PTPN3: variants seen among roughly 807,000 people sequenced by gnomAD.
PTPN3 encodes tyrosine-protein phosphatase non-receptor type 3.
PTPN3 carries 96 observed loss-of-function variants against 132.7 expected under a neutral mutation model. That is an observed-to-expected ratio of 0.72 (90% confidence interval 0.61 to 0.86). PTPN3 has a LOEUF of 0.86. Ranked by LOEUF, PTPN3 falls within the 40% of genes least tolerant of loss-of-function variation. The pLI is 0.00. For synonymous variants in PTPN3, 398 were observed against 429.0 expected (o/e 0.93, Z 0.89); for missense variants, 1,125 against 1,159.6 (o/e 0.97, Z 0.43).
At chr9:109,395,358 T>C (rs982420816) in intron 19 of PTPN3, among the ~76,000 whole-genome samples, 1 of 152,178 alleles carries the variant, frequency 6.6e-6, no homozygotes, top group East Asian at 1.9e-4. Context: ...GGTGGACAAA[T>C]CAAAGTTAAG....
chr9:109,486,942 G>A (rs938693705), intron 1 of PTPN3, among the ~76,000 whole-genome samples: 1 of 152,098 alleles, frequency 6.6e-6, no homozygotes, highest in Admixed American at 6.5e-5. Context: ...TTCCCCTTCC[G>A]CCATGATTGT....
At chr9:109,498,789 C>T (rs1301946428), upstream of PTPN3, among the ~76,000 whole-genome samples, 6 of 152,172 alleles carry the variant, frequency 3.9e-5, no homozygotes, top group Non-Finnish European at 1.5e-5. This position sits in a 1 kb window ranked among gnomAD's most constrained non-coding sequence, Gnocchi z 4.2. Flanking sequence ...CATCTCACAC[C>T]TGCCTTCCTG....
chr9:109,444,087 A>G (rs1341233716), intron 7 of PTPN3, among the ~76,000 whole-genome samples: 4 of 152,126 alleles, frequency 2.6e-5, no homozygotes, highest in African/African-American at 9.7e-5. Context: ...TAGTTCAGCC[A>G]GTGCCTGCTC....
intron 16 of PTPN3, 145 bp downstream of exon 16, chr9:109,409,854 A>C: frequency 7.5e-7 from 1 of 1,329,708 alleles, no homozygotes; most frequent in Non-Finnish European, 9.8e-7. Flanking sequence ...AAACAAAAAC[A>C]AAAAAAACCC....
the PTPN3 span, among the ~76,000 whole-genome samples, chr9:109,510,563 A>G: frequency 2.6e-4 from 16 of 62,528 alleles, no homozygotes; most frequent in African/African-American, 1.0e-3. Flanking sequence ...TGTCTTAAAA[A>G]AAAAAAAAAA....
chr9:109,376,691 T>C lies in PTPN3; in HGVS notation c.*2865A>G, dbSNP rs1268527120. The C allele has an allele frequency of 2.0e-5, 3 of 152,222 alleles. No homozygotes were observed. The highest frequency in any genetic ancestry group is 4.4e-5 in the Non-Finnish European group (3 of 68,034). The allele number at this position is 152,222 out of a possible 1,614,324, so 9.4% of individuals were successfully genotyped here. On this transcript the variant is annotated 3_prime_UTR_variant, in exon 26 of 26. Coordinates refer to ENST00000374541, the MANE Select transcript of PTPN3 (RefSeq NM_002829.4). ...CCAAATTTCCCAGGCAAAATACTTA[T>C]CCTGATTCTGATGTAGTTCTTCACT... is the stretch of plus-strand genomic sequence containing the variant.
intron 1 of PTPN3, among the ~76,000 whole-genome samples, chr9:109,485,451 T>TG (rs1564483491): frequency 6.6e-6 from 1 of 152,002 alleles, no homozygotes; most frequent in East Asian, 1.9e-4. Flanking sequence ...GAGCTTGCAG[T>TG]GAGCCGAGAT....
chr9:109,412,344 A>T (rs914974037), intron 14 of PTPN3, among the ~76,000 whole-genome samples: 1 of 150,938 alleles, frequency 6.6e-6, no homozygotes, highest in Admixed American at 6.6e-5. Flanking sequence ...AGTAGCTGGG[A>T]CCACAGGCAT....
intron 1 of PTPN3, among the ~76,000 whole-genome samples, chr9:109,496,320 A>T (rs1847666128): frequency 6.6e-6 from 1 of 152,222 alleles, no homozygotes; most frequent in Non-Finnish European, 1.5e-5. Context: ...TCAATCTCAG[A>T]AAAGTTTCCA....
chr9:109,519,868 G>A, the PTPN3 span, among the ~76,000 whole-genome samples: 2 of 152,188 alleles, frequency 1.3e-5, no homozygotes, highest in African/African-American at 4.8e-5. Context: ...AGATGATTAA[G>A]AAATGCATCC....
chr9:109,450,842 G>A (rs1038578701), intron 5 of PTPN3: 8 of 985,296 alleles, frequency 8.1e-6, no homozygotes, highest in South Asian at 4.7e-5. Flanking sequence ...TCAGAAAAAT[G>A]TAATGACCTC....
At chr9:109,440,665 C>G (rs1227285462) in intron 7 of PTPN3, among the ~76,000 whole-genome samples, 2 of 152,218 alleles carry the variant, frequency 1.3e-5, no homozygotes, top group African/African-American at 2.4e-5. Context: ...AACCTTTACT[C>G]TGTTGGTTTC....
At chr9:109,431,192 T>C (rs1014758964) in intron 10 of PTPN3, among the ~76,000 whole-genome samples, 24 of 151,984 alleles carry the variant, frequency 1.6e-4, no homozygotes. Flanking sequence ...GGTTGGAGAG[T>C]CCCTGCAGGC....
chr9:109,437,985 C>CA (rs1844179214), intron 8 of PTPN3, 129 bp downstream of exon 8: 1 of 1,220,770 alleles, frequency 8.2e-7, no homozygotes, highest in Non-Finnish European at 1.1e-6. Context: ...CTCAAAGGTT[C>CA]AAAAACCCCC....
chr9:109,498,857 A>G (rs565187029), upstream of PTPN3, among the ~76,000 whole-genome samples: 1 of 152,246 alleles, frequency 6.6e-6, no homozygotes, highest in South Asian at 2.1e-4. The surrounding 1 kb of genome is among the most constrained non-coding windows in gnomAD (Gnocchi z 4.2). Context: ...ACCTCAGGAC[A>G]TTGGCGCCCG....
At chr9:109,438,561 A>C (rs1464666184) in intron 7 of PTPN3, among the ~76,000 whole-genome samples, 1 of 152,234 alleles carries the variant, frequency 6.6e-6, no homozygotes, top group Non-Finnish European at 1.5e-5. Flanking sequence ...TCAGCACAGC[A>C]GTTTGCACTC....
At chr9:109,460,377 C>A (rs984310249) in intron 2 of PTPN3, among the ~76,000 whole-genome samples, 2 of 152,146 alleles carry the variant, frequency 1.3e-5, no homozygotes, top group African/African-American at 4.8e-5. Context: ...AGTCTTTCAG[C>A]CCCTTCCCTC....
At chr9:109,496,001 C>T (rs60480663) in intron 1 of PTPN3, among the ~76,000 whole-genome samples, 19,395 of 152,268 alleles carry the variant, frequency 0.13, 1,468 homozygotes, top group Middle Eastern at 0.25. Flanking sequence ...CTCAGCACTA[C>T]ATCTGCCATA....
intron 11 of PTPN3, among the ~76,000 whole-genome samples, chr9:109,428,090 C>A (rs1248217984): frequency 1.3e-5 from 2 of 152,222 alleles, no homozygotes; most frequent in Non-Finnish European, 2.9e-5. Flanking sequence ...TGGGAGGGAA[C>A]TGACCTTGCT....
Sources: gnomAD v4.1 joint callset for allele counts (sites outside exome capture counted in the v4.1 genomes callset) on GRCh38, gnomAD v4.1.1 for gene constraint, Gnocchi (gnomAD v3.1) non-coding constraint, MANE v1.5 for transcripts, NCBI Gene and HGNC (gene_info 2026-07-23, HGNC 2026-07-21) for gene names.